The following HAUS5 variants were observed in gnomAD, a reference collection of about 807,000 sequenced individuals.
HAUS5 encodes HAUS augmin-like complex subunit 5.
A neutral mutation model predicts 94.1 loss-of-function variants in HAUS5; 67 were observed. The ratio of observed to expected loss-of-function variants is 0.71; its 90% CI spans 0.58 to 0.87. HAUS5 has a LOEUF of 0.87. Ranked by LOEUF, HAUS5 falls within the 40% of genes least tolerant of loss-of-function variation. The pLI, the probability that HAUS5 is intolerant of heterozygous loss-of-function variation, is 0.00. For missense variants in HAUS5, 739 were observed against 825.6 expected (o/e 0.90, Z 1.29); for synonymous variants, 339 against 355.4 (o/e 0.95, Z 0.52).
rs538491606 is a variant in HAUS5 at position 35,618,997 on chromosome 19, T to C, written c.1127T>C (p.Leu376Pro). ...QDAAGHRQLL[L>P]RELQAKQQRI... Reference sequence around the variant, plus strand: ...GCAGCTGGGCATCGGCAGCTCCTGCTGAGGGAGCTACAGGCCAAACAGCAG... The same window carrying C: ...GCAGCTGGGCATCGGCAGCTCCTGCCGAGGGAGCTACAGGCCAAACAGCAG... The change falls in exon 13 of 19, where the codon CTG becomes CCG. Residue 376 changes from leucine to proline, a missense_variant. By Grantham distance (98) the Leu-to-Pro change is moderately conservative. Transcript: ENST00000203166. 4.7e-5 allele frequency: 76 copies of C among 1,612,604 alleles called. No individual in the cohort carries two copies. In the South Asian group the frequency reaches 8.0e-4, roughly 17 times the overall value.
chr19:35,617,425 T>C, intron 8 of HAUS5, 56 bp downstream of exon 8: 1 of 1,163,838 alleles, frequency 8.6e-7, no homozygotes, highest in Non-Finnish European at 1.3e-6. Context: ...TAAGTGGGGG[T>C]CTCTTATTTA....
In HAUS5 at chr19:35,620,086, T is replaced by C. The variant is rs781344532; in HGVS notation, c.1481T>C (p.Ile494Thr). 18 of 1,613,662 alleles carry C rather than the reference T, an allele frequency of 1.1e-5. No individual in the cohort carries two copies. Among genetic ancestry groups the C allele is most frequent in the Middle Eastern group, 1.6e-4 (1 of 6,080 alleles). The change falls in exon 16 of 19, where the codon ATA (isoleucine) becomes ACA (threonine). Residue 494 changes from isoleucine to threonine, a missense_variant. Physicochemically the swap from Ile to Thr is moderately conservative, Grantham distance 89. Coordinates refer to ENST00000203166, the MANE Select transcript of HAUS5 (RefSeq NM_015302.2). ...HPASPRGSSFIALSHKLGLPP... is the reference protein window; with the variant it reads ...HPASPRGSSFTALSHKLGLPP... ...GCGTCCCCAAGGGGCTCCAGCTTCA[T>C]AGCGCTGAGCCACAAGCTGGGGCTG...
chr19:35,620,776 C>G (rs1599599132), intron 17 of HAUS5, among the ~76,000 whole-genome samples: 2 of 152,342 alleles, frequency 1.3e-5, no homozygotes, highest in East Asian at 3.9e-4. Flanking sequence ...GAAGCAATAT[C>G]TTACCGAGGT....
chr19:35,620,138 CCT>C lies in HAUS5; in HGVS notation c.1518+16_1518+17del. ...CTCCAGGGAAGGTGAGTGCCCGTCTCCTGTGACTTGTCTCCCCAGCCCCGCCC... is the reference window on the plus strand; with the variant it reads ...CTCCAGGGAAGGTGAGTGCCCGTCTCGTGACTTGTCTCCCCAGCCCCGCCC... On this transcript the variant is annotated intron_variant, in intron 16 of 18. Coordinates refer to ENST00000203166, the MANE Select transcript of HAUS5 (RefSeq NM_015302.2). The C allele has an allele frequency of 6.2e-7, 1 of 1,612,408 alleles. No individual in the cohort carries two copies. The highest frequency in any genetic ancestry group is 8.5e-7 in the Non-Finnish European group (1 of 1,178,622).
Position 35,622,905 on chromosome 19 carries a change from C to A in HAUS5, c.1814C>A (p.Ser605Tyr). The A allele has an allele frequency of 1.2e-6, 2 of 1,614,072 alleles. No homozygotes were observed. The highest frequency in any genetic ancestry group is 8.5e-7 in the Non-Finnish European group (1 of 1,180,000). ...WWEQPGQAALSEELCQGLSLP... is the reference protein window; with the variant it reads ...WWEQPGQAALYEELCQGLSLP... ...GAGCAGCCAGGCCAGGCCGCCCTCT[C>A]TGAGGAGCTCTGCCAGGGCCTGTCC... Residue 605 changes from serine (S) to tyrosine (Y), a missense_variant, in exon 19 of 19, where the codon TCT becomes TAT. Ser to Tyr is a moderately radical substitution (Grantham distance 144). Transcript: ENST00000203166.
chr19:35,619,747 C>G lies in HAUS5; in HGVS notation c.1395C>G (p.His465Gln). The G allele has an allele frequency of 6.4e-7, 1 of 1,554,410 alleles. No individual in the cohort carries two copies. Among genetic ancestry groups the G allele is most frequent in the Non-Finnish European group, 8.7e-7 (1 of 1,149,516 alleles). The change falls in exon 15 of 19, where the codon CAC (histidine) becomes CAG (glutamine). Residue 465 changes from histidine (H) to glutamine (Q), a missense_variant. Physicochemically the swap from His to Gln is conservative, Grantham distance 24. Transcript: ENST00000203166. ...TTCTGTTGGGCACGCTGCTGCGGCA[C>G]AGGCCGGGAGAGTGAGACTGGGGCT... Reference protein sequence around the residue: ...PHILLGTLLRHRPGELKPLPT... With the variant: ...PHILLGTLLRQRPGELKPLPT...
At chr19:35,617,058 G>A in intron 6 of HAUS5, 66 bp from the exon 7 acceptor site, 1 of 1,351,526 alleles carries the variant, frequency 7.4e-7, no homozygotes, top group Non-Finnish European at 1.1e-6. Context: ...CTGGCAGTGA[G>A]AGGAGATGGG....
At chr19:35,616,182 G>A (rs1047922784) in intron 6 of HAUS5, among the ~76,000 whole-genome samples, 6 of 152,038 alleles carry the variant, frequency 3.9e-5, no homozygotes, top group Non-Finnish European at 8.8e-5. Flanking sequence ...GTCGAGTGTG[G>A]TGGCACGTGC....
chr19:35,619,667 C>T lies in HAUS5; in HGVS notation c.1315C>T (p.Gln439Ter). Residue 439 changes from glutamine (Q) to a stop codon, truncating the protein, a stop_gained, in exon 15 of 19, where the codon CAG (glutamine) becomes TAG (stop). Transcript: ENST00000203166. LOFTEE classifies it high-confidence loss of function. ...VVPTFEAVAPQSRELLRCLEE... is the reference protein window; with the variant it reads ...VVPTFEAVAP ...CCCTACATTTGAGGCAGTGGCACCA[C>T]AGAGCCGGGAGCTGCTGCGCTGTCT... The T allele has an allele frequency of 6.3e-7, 1 of 1,591,854 alleles. No individual in the cohort carries two copies. Among genetic ancestry groups the T allele is most frequent in the Non-Finnish European group, 8.5e-7 (1 of 1,169,812 alleles).
intron 4 of HAUS5, chr19:35,614,368 T>C: frequency 2.4e-6 from 1 of 411,556 alleles, no homozygotes; most frequent in South Asian, 2.5e-5. Context: ...GCGGATCACC[T>C]GAGGTCAGGA....
At chr19:35,622,466 A>G (rs1352151897) in intron 17 of HAUS5, 135 bp from the exon 18 acceptor site, 8 of 893,010 alleles carry the variant, frequency 9.0e-6, no homozygotes, top group Non-Finnish European at 1.2e-5. Flanking sequence ...TGGGAAGAGA[A>G]GGAGACAGAC....
At position 35,618,396 on chromosome 19, in the gene HAUS5, C is replaced by T; in HGVS notation, c.822-6C>T. ...GGCTCCCTCAGCAGCTCTTCCCCCA[C>T]CCCAGACCCCAGGCCCCGGACCAGT... is the stretch of plus-strand genomic sequence containing the variant. On this transcript the variant is annotated splice_polypyrimidine_tract_variant and splice_region_variant and intron_variant, in intron 10 of 18. Coordinates refer to ENST00000203166, the MANE Select transcript of HAUS5 (RefSeq NM_015302.2). The T allele has an allele frequency of 1.2e-6, 2 of 1,610,284 alleles. No homozygotes were observed. Among genetic ancestry groups the T allele is most frequent in the Non-Finnish European group, 1.7e-6 (2 of 1,177,844 alleles).
At chr19:35,620,730 C>A (rs1240137012) in intron 17 of HAUS5, among the ~76,000 whole-genome samples, 1 of 152,212 alleles carries the variant, frequency 6.6e-6, no homozygotes, top group African/African-American at 2.4e-5. Flanking sequence ...GTGTGGCCTC[C>A]CCGTGCCTTA....
intron 6 of HAUS5, among the ~76,000 whole-genome samples, chr19:35,616,756 G>A (rs1042011808): frequency 6.6e-6 from 1 of 152,176 alleles, no homozygotes; most frequent in Non-Finnish European, 1.5e-5. Context: ...GACCTCAAGT[G>A]ATCCACCTAC....
At chr19:35,614,217 C>A in intron 4 of HAUS5, 158 bp downstream of exon 4, 1 of 702,262 alleles carries the variant, frequency 1.4e-6, no homozygotes, top group Non-Finnish European at 2.5e-6. Flanking sequence ...GTGGAAACAG[C>A]ATTAGCTCAG....
At chr19:35,613,421 A>G (rs1489191195) in intron 1 of HAUS5, among the ~76,000 whole-genome samples, 2 of 152,118 alleles carry the variant, frequency 1.3e-5, no homozygotes, top group African/African-American at 4.8e-5. Context: ...CCCTACAAAA[A>G]AAATGTTTTA....
chr19:35,617,994 G>T, intron 9 of HAUS5, 77 bp from the exon 10 acceptor site: 1 of 1,605,228 alleles, frequency 6.2e-7, no homozygotes, highest in South Asian at 1.1e-5. Flanking sequence ...AACTCTTGAT[G>T]ACAGCCCTAT....
Position 35,622,993 on chromosome 19 carries a change from AAG to A in HAUS5, c.*5_*6del. 6.3e-7 allele frequency: 1 copy of A among 1,593,580 alleles called. No individual in the cohort carries two copies. The highest frequency in any genetic ancestry group is 8.6e-7 in the Non-Finnish European group (1 of 1,164,024). On this transcript the variant is annotated 3_prime_UTR_variant, in exon 19 of 19. Coordinates refer to ENST00000203166, the MANE Select transcript of HAUS5 (RefSeq NM_015302.2). ...GGGCCCTGCAGAAGCTGTGCAGCTG[AAG>A]AGAGGGTTCAAACGGAAGCCGAGAA...
chr19:35,619,394 A>G, intron 13 of HAUS5, 30 bp from the exon 14 acceptor site: 2 of 1,519,096 alleles, frequency 1.3e-6, no homozygotes, highest in Non-Finnish European at 1.8e-6. Flanking sequence ...AGCTGGGAGG[A>G]GTGGGTCTCA....
Sources: allele counts gnomAD v4.1 joint callset (sites outside exome capture counted in the v4.1 genomes callset), GRCh38; gene constraint gnomAD v4.1.1; transcripts MANE v1.5; gene names NCBI Gene and HGNC (gene_info 2026-07-23, HGNC 2026-07-21).